PTPRN2: variants seen among roughly 807,000 people sequenced by gnomAD.
PTPRN2 encodes the protein protein tyrosine phosphatase receptor type N2, also known as receptor-type tyrosine-protein phosphatase N2.
In PTPRN2, 74 loss-of-function variants were observed where a neutral mutation model predicts 118.8. The observed-to-expected ratio is 0.62, with a 90% confidence interval of 0.52 to 0.76. The LOEUF is 0.76. Among genes scored for constraint, PTPRN2 ranks in the 30% least tolerant of loss-of-function variants. The pLI is 0.00. For missense variants in PTPRN2, 1,481 were observed against 1,394.4 expected (o/e 1.06, Z -0.99); for synonymous variants, 641 against 608.0 (o/e 1.05, Z -0.80).
At position 157,936,302 on chromosome 7, in the gene PTPRN2, C is replaced by T. The variant is rs141216101; in HGVS notation, c.1724-37565G>A. On this transcript the variant is annotated intron_variant, in intron 11 of 22. Transcript: ENST00000389418. ...GAAGCTCTCTGCTTTCTTGAGGTGA[C>T]GAGATGCTATCGATTATGGGCTCTG... 3.3e-5 allele frequency among the ~76,000 whole-genome samples: 5 copies of T among 152,252 alleles called. 1 individual carries two copies. The highest frequency in any genetic ancestry group is 7.4e-5 in the Non-Finnish European group (5 of 68,014).
intron 12 of PTPRN2, among the ~76,000 whole-genome samples, chr7:157,691,365 C>G (rs527301457): frequency 6.6e-6 from 1 of 152,196 alleles, no homozygotes; most frequent in East Asian, 1.9e-4. Flanking sequence ...CCACTCTTGG[C>G]AAGAGAAAAT....
intron 11 of PTPRN2, among the ~76,000 whole-genome samples, chr7:157,924,917 T>C (rs1798884332): frequency 2.4e-5 from 3 of 125,430 alleles, no homozygotes; most frequent in South Asian, 3.0e-4. Flanking sequence ...GGCACCTGCA[T>C]TTAGCACGTC....
intron 2 of PTPRN2, among the ~76,000 whole-genome samples, chr7:158,480,141 G>A (rs757854596): frequency 1.1e-4 from 17 of 152,336 alleles, no homozygotes; most frequent in Admixed American, 2.0e-4. Context: ...CGGGGGTTGC[G>A]TCTCACCCTG....
intron 6 of PTPRN2, among the ~76,000 whole-genome samples, chr7:158,142,839 C>T (rs13245526): frequency 0.017 from 2,590 of 152,348 alleles, 35 homozygotes; most frequent in Middle Eastern, 0.034. Context: ...CCCAGGTCAA[C>T]GGCACCCATG....
At chr7:158,132,628 A>C in intron 9 of PTPRN2, among the ~76,000 whole-genome samples, 1 of 152,040 alleles carries the variant, frequency 6.6e-6, no homozygotes, top group African/African-American at 2.4e-5. Context: ...ACACACTCAT[A>C]TACACAGATG....
chr7:158,273,263 C>T (rs1563072282), intron 3 of PTPRN2, among the ~76,000 whole-genome samples: 1 of 152,228 alleles, frequency 6.6e-6, no homozygotes, highest in Non-Finnish European at 1.5e-5. Context: ...GAAAATGACA[C>T]CGAACGTTTA....
chr7:158,026,351 G>T (rs1244458755), intron 11 of PTPRN2, among the ~76,000 whole-genome samples: 2 of 152,136 alleles, frequency 1.3e-5, no homozygotes. Context: ...GCTCGCTGGG[G>T]GGGACCATAA....
At chr7:157,562,713 C>T (rs538125154) in intron 21 of PTPRN2, among the ~76,000 whole-genome samples, 2 of 149,962 alleles carry the variant, frequency 1.3e-5, no homozygotes, top group East Asian at 2.0e-4. Flanking sequence ...CACATGCTCC[C>T]GCGTCACCAC....
chr7:158,197,535 C>T (rs1457084283), intron 4 of PTPRN2, among the ~76,000 whole-genome samples: 1 of 152,164 alleles, frequency 6.6e-6, no homozygotes, highest in Non-Finnish European at 1.5e-5. Context: ...GATAAACCCA[C>T]CATGTTTTTA....
chr7:158,097,663 A>G (rs547735459), intron 10 of PTPRN2, among the ~76,000 whole-genome samples: 1 of 152,284 alleles, frequency 6.6e-6, no homozygotes, highest in Admixed American at 6.5e-5. Flanking sequence ...GCGGCCTGGC[A>G]TCGATCACCG....
At chr7:158,577,240 T>C (rs1444244719) in intron 1 of PTPRN2, among the ~76,000 whole-genome samples, 244 of 39,356 alleles carry the variant, frequency 6.2e-3, no homozygotes, top group Admixed American at 0.014. Flanking sequence ...CCAGCCCTCC[T>C]GAATGCCACA....
At chr7:158,337,381 C>G (rs1805839227) in intron 2 of PTPRN2, among the ~76,000 whole-genome samples, 1 of 106,144 alleles carries the variant, frequency 9.4e-6, no homozygotes, top group African/African-American at 3.3e-5. Context: ...ACACTCTCAC[C>G]ATAAGAGGTA....
At chr7:157,842,556 A>G (rs1417508797) in intron 12 of PTPRN2, among the ~76,000 whole-genome samples, 1 of 151,964 alleles carries the variant, frequency 6.6e-6, no homozygotes, top group East Asian at 1.9e-4. Context: ...CTGGAATTAC[A>G]GGCAGGCACC....
At chr7:157,856,717 A>T (rs1204481733) in intron 12 of PTPRN2, among the ~76,000 whole-genome samples, 1 of 152,216 alleles carries the variant, frequency 6.6e-6, no homozygotes, top group Admixed American at 6.5e-5. Context: ...TGCTGCAATG[A>T]TGTGTGGGGT....
chr7:158,559,307 C>T (rs563241790), intron 1 of PTPRN2, among the ~76,000 whole-genome samples: 2 of 152,334 alleles, frequency 1.3e-5, no homozygotes, highest in East Asian at 3.9e-4. Flanking sequence ...CCTACTCATA[C>T]TTCTCAACAC....
chr7:158,361,124 G>A lies in PTPRN2; in HGVS notation c.164-44192C>T, dbSNP rs373523346. Among the ~76,000 whole-genome samples the A allele has an allele frequency of 4.0e-3, 9 of 2,242 alleles. 2 individuals carry two copies. The highest frequency in any genetic ancestry group is 9.3e-3 in the African/African-American group (1 of 108). The allele number at this position is 2,242 out of a possible 152,430, so 1.5% of individuals were successfully genotyped here. ...TCACCCAGGATGACGCACAGACCCC[G>A]CGTCCACCCTCACCCGGGGTGACCC... On this transcript the variant is annotated intron_variant, in intron 2 of 22. Coordinates refer to ENST00000389418, the MANE Select transcript of PTPRN2 (RefSeq NM_002847.5).
intron 1 of PTPRN2, among the ~76,000 whole-genome samples, chr7:158,577,805 T>C (rs1828421521): frequency 6.6e-6 from 1 of 152,234 alleles, no homozygotes. Flanking sequence ...AGGTCTCCCC[T>C]TGGACTCTGA....
chr7:158,406,000 C>T (rs1302685266), intron 2 of PTPRN2, among the ~76,000 whole-genome samples: 5 of 141,864 alleles, frequency 3.5e-5, no homozygotes, highest in Middle Eastern at 4.5e-3. Flanking sequence ...GTGGCTCATC[C>T]GTGAGACACG....
intron 5 of PTPRN2, among the ~76,000 whole-genome samples, chr7:158,181,287 C>T (rs1482327551): frequency 6.6e-6 from 1 of 152,136 alleles, no homozygotes; most frequent in Non-Finnish European, 1.5e-5. Flanking sequence ...TGGGATGAAA[C>T]CCACTTGATC....
Sources: gnomAD v4.1 joint callset for allele counts (sites outside exome capture counted in the v4.1 genomes callset) on GRCh38, gnomAD v4.1.1 for gene constraint, MANE v1.5 for transcripts, NCBI Gene and HGNC (gene_info 2026-07-23, HGNC 2026-07-21) for gene names.